The following NEGR1 variants were observed in gnomAD, a reference collection of about 807,000 sequenced individuals.
NEGR1 encodes the protein neuronal growth regulator 1.
In NEGR1, 10 loss-of-function variants were observed where a neutral mutation model predicts 40.9. The ratio of observed to expected loss-of-function variants is 0.24; its 90% CI spans 0.15 to 0.42. The LOEUF (loss-of-function observed/expected upper bound fraction) is 0.42. NEGR1 is among the 10% of genes least tolerant of loss of function. NEGR1 has a pLI of 1.00. For missense variants in NEGR1, 352 were observed against 438.9 expected (o/e 0.80, Z 1.77); for synonymous variants, 185 against 166.8 (o/e 1.11, Z -0.84).
intron 6 of NEGR1, among the ~76,000 whole-genome samples, chr1:71,558,330 A>G (rs1648319344): frequency 1.3e-5 from 2 of 151,586 alleles, no homozygotes; most frequent in African/African-American, 4.8e-5. Flanking sequence ...TGAGGGAGAT[A>G]TATTGAGGAT....
chr1:72,150,996 TAAAC>T (rs1469226473), intron 1 of NEGR1, among the ~76,000 whole-genome samples: 2 of 151,168 alleles, frequency 1.3e-5, no homozygotes, highest in African/African-American at 2.4e-5. Context: ...AATAAACAAA[TAAAC>T]AACAGAAAGG....
At chr1:71,852,123 A>G (rs566502197) in intron 2 of NEGR1, among the ~76,000 whole-genome samples, 2 of 152,280 alleles carry the variant, frequency 1.3e-5, no homozygotes, top group East Asian at 3.9e-4. Flanking sequence ...ACTTCCATAC[A>G]TCGTTGCAAG....
intron 3 of NEGR1, among the ~76,000 whole-genome samples, chr1:71,729,254 C>T (rs550823536): frequency 8.5e-5 from 13 of 152,168 alleles, no homozygotes; most frequent in African/African-American, 2.9e-4. Context: ...CCAATAACAC[C>T]TTCTCAATGA....
At chr1:72,064,990 CTG>C (rs1223858396) in intron 1 of NEGR1, among the ~76,000 whole-genome samples, 2 of 151,940 alleles carry the variant, frequency 1.3e-5, no homozygotes, top group Non-Finnish European at 2.9e-5. Flanking sequence ...TCACATCTAA[CTG>C]TAATTCAAAT....
At chr1:72,125,064 C>T (rs1649959091) in intron 1 of NEGR1, among the ~76,000 whole-genome samples, 2 of 151,972 alleles carry the variant, frequency 1.3e-5, no homozygotes, top group Non-Finnish European at 2.9e-5. Context: ...TCAAAAACAA[C>T]TTCAGTAAAG....
intron 5 of NEGR1, among the ~76,000 whole-genome samples, chr1:71,608,500 T>TA (rs942671615): frequency 6.6e-6 from 1 of 151,044 alleles, no homozygotes; most frequent in Non-Finnish European, 1.5e-5. Context: ...TGTAGCTTTT[T>TA]TTTTTTTTTT....
At chr1:72,276,779 T>C (rs1046229595) in intron 1 of NEGR1, among the ~76,000 whole-genome samples, 3 of 152,142 alleles carry the variant, frequency 2.0e-5, no homozygotes, top group Non-Finnish European at 4.4e-5. Context: ...CTACCACTTT[T>C]CACTATGCAT....
chr1:71,797,153 C>T (rs1557655771), intron 2 of NEGR1, among the ~76,000 whole-genome samples: 1 of 152,116 alleles, frequency 6.6e-6, no homozygotes, highest in Non-Finnish European at 1.5e-5. Context: ...CACTGTGCTA[C>T]ATACTTTATA....
chr1:72,154,615 G>A (rs1003516783), intron 1 of NEGR1, among the ~76,000 whole-genome samples: 1 of 151,888 alleles, frequency 6.6e-6, no homozygotes, highest in Non-Finnish European at 1.5e-5. Context: ...TACACTTCAT[G>A]GAAAAAATTT....
chr1:72,244,111 T>C (rs181487575), intron 1 of NEGR1, among the ~76,000 whole-genome samples: 1 of 151,912 alleles, frequency 6.6e-6, no homozygotes, highest in East Asian at 1.9e-4. Context: ...TTTTGTTCTG[T>C]TTTGACGATA....
At chr1:72,114,449 TGATA>T (rs1373010534) in intron 1 of NEGR1, among the ~76,000 whole-genome samples, 2 of 151,740 alleles carry the variant, frequency 1.3e-5, no homozygotes, top group African/African-American at 2.4e-5. Flanking sequence ...CTCTCTCATT[TGATA>T]GATAGGATAG....
At chr1:72,122,382 G>A (rs1649836120) in intron 1 of NEGR1, among the ~76,000 whole-genome samples, 1 of 151,894 alleles carries the variant, frequency 6.6e-6, no homozygotes, top group Non-Finnish European at 1.5e-5. Flanking sequence ...GCAAGAACAT[G>A]TACAAATACG....
At chr1:72,234,609 A>G (rs1356563669) in intron 1 of NEGR1, among the ~76,000 whole-genome samples, 1 of 152,078 alleles carries the variant, frequency 6.6e-6, no homozygotes, top group Non-Finnish European at 1.5e-5. Flanking sequence ...CCCACTAAAA[A>G]CTGGGCAAAG....
intron 5 of NEGR1, among the ~76,000 whole-genome samples, chr1:71,595,385 T>C (rs1291193128): frequency 1.3e-5 from 2 of 152,208 alleles, no homozygotes; most frequent in Non-Finnish European, 2.9e-5. Context: ...AGTTGTGTGT[T>C]TTAGAAGTGC....
intron 3 of NEGR1, among the ~76,000 whole-genome samples, chr1:71,722,251 C>T (rs1654532932): frequency 1.3e-5 from 2 of 151,976 alleles, no homozygotes; most frequent in Non-Finnish European, 2.9e-5. Context: ...TGTTTTCTTC[C>T]CATTCCCTTC....
At chr1:72,191,975 A>C (rs1021854063) in intron 1 of NEGR1, among the ~76,000 whole-genome samples, 2 of 151,902 alleles carry the variant, frequency 1.3e-5, no homozygotes, top group Admixed American at 6.6e-5. Flanking sequence ...TCTACTTATC[A>C]CTGAGTATCA....
intron 6 of NEGR1, among the ~76,000 whole-genome samples, chr1:71,496,870 A>T (rs1646967315): frequency 6.6e-6 from 1 of 152,206 alleles, no homozygotes; most frequent in African/African-American, 2.4e-5. Flanking sequence ...AGCAGTCTTC[A>T]TATTTCACAA....
chr1:72,053,491 G>A (rs544019971), intron 1 of NEGR1, among the ~76,000 whole-genome samples: 15 of 150,826 alleles, frequency 9.9e-5, no homozygotes, highest in African/African-American at 3.6e-4. Flanking sequence ...GTTAAATTAA[G>A]AATCTATATA....
intron 4 of NEGR1, among the ~76,000 whole-genome samples, chr1:71,690,530 A>G (rs1195196925): frequency 6.7e-6 from 1 of 150,360 alleles, no homozygotes; most frequent in Admixed American, 6.7e-5. Context: ...ATCTAGAGGA[A>G]TACACCATCA....
Sources: allele counts gnomAD v4.1 joint callset (sites outside exome capture counted in the v4.1 genomes callset), GRCh38; gene constraint gnomAD v4.1.1; transcripts MANE v1.5; gene names NCBI Gene and HGNC (gene_info 2026-07-23, HGNC 2026-07-21).